LRRC7: variants seen among roughly 807,000 people sequenced by gnomAD.
LRRC7 encodes the protein leucine-rich repeat-containing protein 7.
A neutral mutation model predicts 175.7 loss-of-function variants in LRRC7; 23 were observed. That is an observed-to-expected ratio of 0.13 (90% CI 0.09 to 0.19). The LOEUF (loss-of-function observed/expected upper bound fraction) is 0.19. LRRC7 is among the 10% of genes least tolerant of loss of function. LRRC7 has a pLI of 1.00. For synonymous variants in LRRC7, 685 were observed against 680.9 expected (o/e 1.01, Z -0.09); for missense variants, 1,354 against 1,904.7 (o/e 0.71, Z 5.38).
chr1:69,569,130 G>T (rs916513377), intron 1 of LRRC7, among the ~76,000 whole-genome samples: 2 of 151,926 alleles, frequency 1.3e-5, no homozygotes, highest in African/African-American at 4.8e-5. Context: ...TATCTTGGAA[G>T]GTGTTGTATC....
At chr1:69,575,509 C>G (rs1422525647) in intron 1 of LRRC7, among the ~76,000 whole-genome samples, 4 of 152,134 alleles carry the variant, frequency 2.6e-5, no homozygotes, top group African/African-American at 9.7e-5. Context: ...TCTAGGCAGA[C>G]TCCTATGCTA....
At chr1:69,702,353 A>G (rs1663464610) in intron 2 of LRRC7, among the ~76,000 whole-genome samples, 1 of 152,250 alleles carries the variant, frequency 6.6e-6, no homozygotes, top group Non-Finnish European at 1.5e-5. Context: ...AGATGACAGT[A>G]AACATGACAG....
intron 2 of LRRC7, among the ~76,000 whole-genome samples, chr1:69,732,261 C>A (rs1667657783): frequency 6.6e-6 from 1 of 150,606 alleles, no homozygotes; most frequent in East Asian, 2.0e-4. Flanking sequence ...AATACTAGGG[C>A]AAAAAAAGAT....
chr1:70,097,923 C>T lies in LRRC7; in HGVS notation c.4545+8104C>T, dbSNP rs559096499. Among the ~76,000 whole-genome samples the T allele has an allele frequency of 3.9e-3, 586 of 149,468 alleles. 5 individuals carry two copies. The highest frequency in any genetic ancestry group is 0.014 in the African/African-American group (553 of 40,428). Reference sequence around the variant, plus strand: ...TGTGAATAATGCTGCAATAAACATACGTGTGCATGTGTCTTTATAGCAGCA... The same window carrying T: ...TGTGAATAATGCTGCAATAAACATATGTGTGCATGTGTCTTTATAGCAGCA... On this transcript the variant is annotated intron_variant, in intron 25 of 26. Coordinates refer to ENST00000651989, the MANE Select transcript of LRRC7 (RefSeq NM_001370785.2).
At chr1:69,827,787 C>T (rs989771232) in intron 5 of LRRC7, among the ~76,000 whole-genome samples, 2 of 151,984 alleles carry the variant, frequency 1.3e-5, no homozygotes, top group Non-Finnish European at 2.9e-5. Flanking sequence ...TGCAGTGAAC[C>T]ATGATCATGC....
chr1:69,907,477 T>C (rs566002763), intron 7 of LRRC7, among the ~76,000 whole-genome samples: 1 of 152,338 alleles, frequency 6.6e-6, no homozygotes, highest in Non-Finnish European at 1.5e-5. Flanking sequence ...TGAAGGGTTG[T>C]TGAATTTTGT....
intron 2 of LRRC7, among the ~76,000 whole-genome samples, chr1:69,702,216 A>C (rs1221616992): frequency 6.6e-6 from 1 of 152,220 alleles, no homozygotes; most frequent in Admixed American, 6.5e-5. Flanking sequence ...CACCGTATTT[A>C]ATCAAGAACA....
intron 25 of LRRC7, among the ~76,000 whole-genome samples, chr1:70,099,535 C>T (rs909049025): frequency 6.6e-6 from 1 of 151,888 alleles, no homozygotes; most frequent in Non-Finnish European, 1.5e-5. Flanking sequence ...TCAAATTGTC[C>T]CTGTTTGCAG....
At chr1:70,105,626 A>G (rs1665092450) in intron 25 of LRRC7, among the ~76,000 whole-genome samples, 1 of 152,184 alleles carries the variant, frequency 6.6e-6, no homozygotes. Flanking sequence ...TAATGACCAC[A>G]TATCATTCTA....
intron 1 of LRRC7, among the ~76,000 whole-genome samples, chr1:69,642,042 G>A (rs1014433271): frequency 2.0e-5 from 3 of 151,830 alleles, no homozygotes; most frequent in Non-Finnish European, 4.4e-5. Flanking sequence ...TTTAACTGAT[G>A]CTTAATATTA....
intron 7 of LRRC7, among the ~76,000 whole-genome samples, chr1:69,904,524 A>G (rs906703755): frequency 6.6e-6 from 1 of 151,980 alleles, no homozygotes; most frequent in Non-Finnish European, 1.5e-5. Flanking sequence ...AACATAAAGG[A>G]TACTCTGAAT....
At chr1:69,920,392 T>G (rs1646855830) in intron 7 of LRRC7, 1 of 152,060 alleles carries the variant, frequency 6.6e-6, no homozygotes, top group South Asian at 2.1e-4. Flanking sequence ...ATTGGCAAAT[T>G]TTAGTAAGTC....
Position 70,038,130 on chromosome 1 carries a change from C to T in LRRC7, c.2306C>T (p.Pro769Leu). ...LWGNRIAPSF[P>L]QPLDSKPLLS... ...GTTCACAGGATTGCACCATCTTTCC[C>T]ACAGCCTCTTGATTCAAAGCCATTA... The change falls in exon 21 of 27, where the codon CCA (proline) becomes CTA (leucine). Residue 769 changes from proline to leucine, a missense_variant. Transcript: ENST00000651989. The T allele has an allele frequency of 6.2e-7, 1 of 1,609,698 alleles. No individual in the cohort carries two copies.
At chr1:70,100,984 C>A (rs555210970) in intron 25 of LRRC7, among the ~76,000 whole-genome samples, 1 of 152,226 alleles carries the variant, frequency 6.6e-6, no homozygotes, top group East Asian at 1.9e-4. Context: ...ATTGATAATA[C>A]CTTTATCCTT....
chr1:69,728,223 A>AC (rs1202403951), intron 2 of LRRC7, among the ~76,000 whole-genome samples: 6 of 152,066 alleles, frequency 3.9e-5, no homozygotes, highest in African/African-American at 1.4e-4. Context: ...ACCAAAAACA[A>AC]CCCCCACTCA....
chr1:69,585,008 A>G (rs1163311298), intron 1 of LRRC7, among the ~76,000 whole-genome samples: 1 of 152,200 alleles, frequency 6.6e-6, no homozygotes, highest in Non-Finnish European at 1.5e-5. Flanking sequence ...TTGGCACTGT[A>G]CATATAGCAA....
intron 3 of LRRC7, among the ~76,000 whole-genome samples, chr1:69,776,924 G>T (rs570397153): frequency 2.6e-4 from 39 of 152,154 alleles, no homozygotes; most frequent in African/African-American, 8.9e-4. Context: ...ATGAATTAAA[G>T]GTTTTTTTCC....
intron 3 of LRRC7, among the ~76,000 whole-genome samples, chr1:69,768,394 A>G (rs1258968001): frequency 6.6e-6 from 1 of 152,110 alleles, no homozygotes; most frequent in East Asian, 1.9e-4. Context: ...CTGCTCAAAC[A>G]TCACTGGAGA....
chr1:69,774,530 G>A (rs1370606245), intron 3 of LRRC7, among the ~76,000 whole-genome samples: 2 of 152,112 alleles, frequency 1.3e-5, no homozygotes, highest in African/African-American at 2.4e-5. Flanking sequence ...GTAGATTTTA[G>A]CTACTCTTGC....
Sources: gnomAD v4.1 joint callset for allele counts (sites outside exome capture counted in the v4.1 genomes callset) on GRCh38, gnomAD v4.1.1 for gene constraint, MANE v1.5 for transcripts, NCBI Gene and HGNC (gene_info 2026-07-23, HGNC 2026-07-21) for gene names.